The following ARHGEF28 variants were observed in gnomAD, a reference collection of about 807,000 sequenced individuals.
ARHGEF28 encodes 190 kDa guanine nucleotide exchange factor.
In ARHGEF28, 152 loss-of-function variants were observed where a neutral mutation model predicts 206.6. The ratio of observed to expected loss-of-function variants is 0.74; its 90% CI spans 0.64 to 0.84. The LOEUF is 0.84. Ranked by LOEUF, ARHGEF28 falls within the 40% of genes least tolerant of loss-of-function variation. ARHGEF28 has a pLI of 0.00. For synonymous variants in ARHGEF28, 763 were observed against 776.4 expected, an observed-to-expected ratio of 0.98 and a Z score of 0.29; for missense variants, 2,028 against 2,073.2, an observed-to-expected ratio of 0.98 and a Z score of 0.42.
At chr5:73,703,705 A>G (rs1418879209) in intron 2 of ARHGEF28, among the ~76,000 whole-genome samples, 1 of 151,788 alleles carries the variant, frequency 6.6e-6, no homozygotes, top group Non-Finnish European at 1.5e-5. Flanking sequence ...GTATAGAAGT[A>G]TAAACTCCAC....
chr5:73,802,897 TG>T (rs1755227382), intron 9 of ARHGEF28, among the ~76,000 whole-genome samples: 2 of 151,054 alleles, frequency 1.3e-5, no homozygotes, highest in Admixed American at 1.3e-4. Context: ...TGTGTGTGTG[TG>T]TGTGTGTGTG....
At chr5:73,842,542 A>G (rs1758051146) in intron 11 of ARHGEF28, among the ~76,000 whole-genome samples, 1 of 152,238 alleles carries the variant, frequency 6.6e-6, no homozygotes, top group South Asian at 2.1e-4. Flanking sequence ...GGTAGTCACT[A>G]CTATAATTTG....
rs576579623 is a variant in ARHGEF28, at chr5:73,858,256, C to T, written c.2047+37C>T. On this transcript the variant is annotated intron_variant, in intron 16 of 35. Coordinates refer to ENST00000513042, the MANE Select transcript of ARHGEF28 (RefSeq NM_001177693.2). ...GGTCTATGTGCGCTGTCTTTGTTTT[C>T]ATCTCCTGACAGTAACCTTGGGAAG... 3 of 1,531,396 alleles carry T rather than the reference C, an allele frequency of 2.0e-6. No individual in the cohort carries two copies. In the East Asian group the frequency reaches 6.9e-5, roughly 35 times the overall value. The allele number at this position is 1,531,396 out of a possible 1,614,324, so 94.9% of individuals were successfully genotyped here.
chr5:73,871,299 G>A (rs1236583347), intron 21 of ARHGEF28, among the ~76,000 whole-genome samples: 6 of 152,098 alleles, frequency 3.9e-5, no homozygotes, highest in African/African-American at 1.4e-4. Flanking sequence ...CTATTTTCTG[G>A]GTCATAATGT....
chr5:73,630,341 C>CA (rs1391062831), intron 1 of ARHGEF28, among the ~76,000 whole-genome samples: 2 of 152,076 alleles, frequency 1.3e-5, no homozygotes, highest in Non-Finnish European at 2.9e-5. Flanking sequence ...ACTTTGGAGC[C>CA]AGACTGTCTG....
At chr5:73,657,892 A>G (rs1745317791) in intron 1 of ARHGEF28, among the ~76,000 whole-genome samples, 1 of 152,142 alleles carries the variant, frequency 6.6e-6, no homozygotes, top group South Asian at 2.1e-4. Flanking sequence ...TTCCCTCAGT[A>G]GCCATTAAAC....
At chr5:73,635,091 C>A (rs1308753650) in intron 1 of ARHGEF28, among the ~76,000 whole-genome samples, 1 of 152,142 alleles carries the variant, frequency 6.6e-6, no homozygotes, top group Non-Finnish European at 1.5e-5. Flanking sequence ...CGCTTGTAAT[C>A]CCAGCACTTT....
intron 2 of ARHGEF28, among the ~76,000 whole-genome samples, chr5:73,699,038 A>G (rs1325105950): frequency 6.6e-6 from 1 of 152,116 alleles, no homozygotes; most frequent in Non-Finnish European, 1.5e-5. Flanking sequence ...CCATGTACTT[A>G]TACTTAATTT....
intron 35 of ARHGEF28, among the ~76,000 whole-genome samples, chr5:73,919,832 G>A (rs575853635): frequency 7.9e-5 from 12 of 152,116 alleles, no homozygotes; most frequent in African/African-American, 1.2e-4. Flanking sequence ...GTTCAGCATC[G>A]CCAGAAAGCA....
Position 73,674,110 on chromosome 5 carries a change from A to C in ARHGEF28, c.-11-10731A>C, listed in dbSNP as rs561675748. ...CACTTGAACTGGGGAGGTCAAGGCT[A>C]CAGTGAGCCTTGATTGTGCCACTGC... On this transcript the variant is annotated intron_variant, in intron 1 of 35. Coordinates refer to ENST00000513042, the MANE Select transcript of ARHGEF28 (RefSeq NM_001177693.2). Among the ~76,000 whole-genome samples the C allele has an allele frequency of 1.3e-3, 195 of 152,054 alleles. 7 individuals carry two copies. The South Asian group carries it at 0.039, about 30-fold the overall frequency.
chr5:73,932,232 CATA>C (rs1448468147), intron 35 of ARHGEF28, among the ~76,000 whole-genome samples: 4 of 152,310 alleles, frequency 2.6e-5, no homozygotes, highest in African/African-American at 9.6e-5. Context: ...TAGTTTTTCT[CATA>C]ATAACAGTTC....
intron 30 of ARHGEF28, 156 bp from the exon 31 acceptor site, chr5:73,901,028 G>A (rs1156658584): frequency 1.7e-5 from 10 of 590,846 alleles, no homozygotes; most frequent in South Asian, 5.5e-5. Flanking sequence ...ATTGCTCTGC[G>A]CTCATCCAAG....
chr5:73,936,728 T>G (rs1764440299), intron 35 of ARHGEF28, among the ~76,000 whole-genome samples: 1 of 152,210 alleles, frequency 6.6e-6, no homozygotes, highest in Non-Finnish European at 1.5e-5. Flanking sequence ...TTTATTATTT[T>G]TACTTTTATT....
chr5:73,893,308 G>A lies in ARHGEF28; in HGVS notation c.3658+20G>A. On this transcript the variant is annotated intron_variant, in intron 28 of 35. Transcript: ENST00000513042. Reference sequence around the variant, plus strand: ...GTCAAGGTACAGTGCAGGCACTTCTGGCTCCCTGGTCGTGGTGTTCTCCTG... The same window carrying A: ...GTCAAGGTACAGTGCAGGCACTTCTAGCTCCCTGGTCGTGGTGTTCTCCTG... 1 of 1,526,426 alleles carries A rather than the reference G, an allele frequency of 6.6e-7. No individual in the cohort carries two copies. The highest frequency in any genetic ancestry group is 8.8e-7 in the Non-Finnish European group (1 of 1,134,682). 94.6% of individuals were successfully genotyped at this position (1,526,426 alleles called of 1,614,324 possible).
intron 13 of ARHGEF28, among the ~76,000 whole-genome samples, chr5:73,851,941 A>T (rs551068804): frequency 2.4e-4 from 37 of 152,174 alleles, no homozygotes; most frequent in African/African-American, 8.9e-4. Context: ...AGAGTGAAGG[A>T]TTTGTCCCTG....
chr5:73,761,525 A>G (rs1055204010), intron 4 of ARHGEF28, among the ~76,000 whole-genome samples: 1 of 152,126 alleles, frequency 6.6e-6, no homozygotes, highest in Admixed American at 6.5e-5. Flanking sequence ...TCCTGTTCCA[A>G]AGTCCCCCTT....
intron 4 of ARHGEF28, among the ~76,000 whole-genome samples, chr5:73,767,593 C>A (rs559413525): frequency 1.3e-5 from 2 of 152,028 alleles, no homozygotes; most frequent in Non-Finnish European, 2.9e-5. Context: ...GGGCATCTGG[C>A]GGAAGAAATT....
chr5:73,822,638 C>A (rs1184714735), intron 9 of ARHGEF28, among the ~76,000 whole-genome samples: 1 of 152,088 alleles, frequency 6.6e-6, no homozygotes, highest in Non-Finnish European at 1.5e-5. Context: ...CTGCCCACCC[C>A]ATTTTTTTTA....
At chr5:73,913,771 G>T (rs1368871216) in intron 35 of ARHGEF28, among the ~76,000 whole-genome samples, 1 of 152,148 alleles carries the variant, frequency 6.6e-6, no homozygotes, top group Non-Finnish European at 1.5e-5. Context: ...ACTGTAATCT[G>T]GCTAACATAA....
Sources: gnomAD v4.1 joint callset for allele counts (sites outside exome capture counted in the v4.1 genomes callset) on GRCh38, gnomAD v4.1.1 for gene constraint, MANE v1.5 for transcripts, NCBI Gene and HGNC (gene_info 2026-07-23, HGNC 2026-07-21) for gene names.